Variants in POU3F3 observed in about 807,000 individuals in gnomAD.
POU3F3 encodes POU domain, class 3, transcription factor 3.
Under a neutral mutation model 8.6 loss-of-function variants are expected in POU3F3, and 1 was observed. The ratio of observed to expected loss-of-function variants is 0.12; its 90% CI spans 0.04 to 0.55. POU3F3 has a LOEUF of 0.55. POU3F3 is among the 20% of genes least tolerant of loss of function. The pLI, the probability that POU3F3 is intolerant of heterozygous loss-of-function variation, is 0.91. For missense variants in POU3F3, 577 were observed against 690.7 expected (o/e 0.84, Z 1.84); for synonymous variants, 418 against 327.4 (o/e 1.28, Z -2.99).
chr2:104,894,838 C>A, the POU3F3 span, among the ~76,000 whole-genome samples: 1 of 152,238 alleles, frequency 6.6e-6, no homozygotes, highest in African/African-American at 2.4e-5. Flanking sequence ...CAGCCCTGAT[C>A]CCTGCACCCA....
chr2:104,864,748 A>G, the POU3F3 span, among the ~76,000 whole-genome samples: 1 of 152,226 alleles, frequency 6.6e-6, no homozygotes, highest in South Asian at 2.1e-4. Flanking sequence ...TTGAAAAGGG[A>G]GAAGTGTCCA....
At chr2:104,896,730 C>G in the POU3F3 span, among the ~76,000 whole-genome samples, 333 of 152,330 alleles carry the variant, frequency 2.2e-3, 1 homozygote, top group Non-Finnish European at 3.9e-3. Flanking sequence ...TCTCGTCGAA[C>G]CTTGGTGAAG....
At chr2:104,876,364 A>G in the POU3F3 span, among the ~76,000 whole-genome samples, 2 of 152,258 alleles carry the variant, frequency 1.3e-5, no homozygotes, top group African/African-American at 4.8e-5. Flanking sequence ...TTTTTCCTAG[A>G]AAAGGGCTGA....
At chr2:104,904,773 C>T in the POU3F3 span, among the ~76,000 whole-genome samples, 1 of 152,160 alleles carries the variant, frequency 6.6e-6, no homozygotes, top group African/African-American at 2.4e-5. Context: ...GTCCTTTACA[C>T]ATTCCAAGCC....
At chr2:104,871,964 G>C in the POU3F3 span, among the ~76,000 whole-genome samples, 4 of 152,132 alleles carry the variant, frequency 2.6e-5, no homozygotes, top group Non-Finnish European at 5.9e-5. Flanking sequence ...TCTTTGAAGA[G>C]GGAGGTGACA....
chr2:104,891,325 T>C, the POU3F3 span, among the ~76,000 whole-genome samples: 1 of 151,956 alleles, frequency 6.6e-6, no homozygotes, highest in Non-Finnish European at 1.5e-5. Context: ...CTACACAACA[T>C]ACAGTAATTA....
chr2:104,913,811 A>G, the POU3F3 span, among the ~76,000 whole-genome samples: 1 of 152,188 alleles, frequency 6.6e-6, no homozygotes, highest in Non-Finnish European at 1.5e-5. Context: ...TGTTACTGGG[A>G]TGAATAGCTC....
In POU3F3 at chr2:104,855,225, G is replaced by GCTC; in HGVS notation, c.-284_-283insCCT. 6.6e-6 allele frequency among the ~76,000 whole-genome samples: 1 copy of GCTC among 151,390 alleles called. No homozygotes were observed. Among genetic ancestry groups the GCTC allele is most frequent in the South Asian group, 2.1e-4 (1 of 4,820 alleles). On this transcript the variant is annotated 5_prime_UTR_variant, in exon 1 of 1. Coordinates refer to ENST00000361360, the MANE Select transcript of POU3F3 (RefSeq NM_006236.3). The stretch of plus-strand genomic sequence containing the variant: ...CGCTGCTCCTGCGGCTGCTGCTGCT[G>GCTC]CTGGTGACCAAGGCCGGCCGGCGAC...
the POU3F3 span, among the ~76,000 whole-genome samples, chr2:104,886,777 G>T: frequency 6.6e-6 from 1 of 152,008 alleles, no homozygotes; most frequent in African/African-American, 2.4e-5. Context: ...GTGTGATGGT[G>T]CATGCCTGTA....
chr2:104,886,970 T>C, the POU3F3 span, among the ~76,000 whole-genome samples: 3 of 152,134 alleles, frequency 2.0e-5, no homozygotes, highest in Non-Finnish European at 4.4e-5. Flanking sequence ...AAAAAAAGGC[T>C]ACTCCATAGA....
chr2:104,895,882 C>T, the POU3F3 span, among the ~76,000 whole-genome samples: 17 of 152,290 alleles, frequency 1.1e-4, no homozygotes, highest in African/African-American at 3.4e-4. Context: ...TGGAAGACCA[C>T]GGGCTAAAGG....
chr2:104,881,921 A>G, the POU3F3 span, among the ~76,000 whole-genome samples: 1 of 152,306 alleles, frequency 6.6e-6, no homozygotes, highest in East Asian at 1.9e-4. Flanking sequence ...ACTCCACCGC[A>G]TCTCTTGGTT....
the POU3F3 span, among the ~76,000 whole-genome samples, chr2:104,871,043 C>A: frequency 4.5e-3 from 678 of 152,344 alleles, 5 homozygotes; most frequent in African/African-American, 0.015. Context: ...CATTTCCTCA[C>A]CTTCCAAACA....
chr2:104,861,003 T>C (rs1406312991), downstream of POU3F3, among the ~76,000 whole-genome samples: 1 of 152,104 alleles, frequency 6.6e-6, no homozygotes, highest in East Asian at 1.9e-4. Context: ...TTTTAAATAA[T>C]TTTAACAATT....
At chr2:104,875,962 C>A in the POU3F3 span, among the ~76,000 whole-genome samples, 1 of 152,304 alleles carries the variant, frequency 6.6e-6, no homozygotes, top group East Asian at 1.9e-4. Flanking sequence ...AGGTGATCCG[C>A]CCACCTCAGC....
At chr2:104,925,874 G>T in the POU3F3 span, 1 of 152,132 alleles carries the variant, frequency 6.6e-6, no homozygotes. Flanking sequence ...CATTTTGGAC[G>T]AGTGTCTTAG....
At chr2:104,869,537 G>T in the POU3F3 span, among the ~76,000 whole-genome samples, 2 of 152,184 alleles carry the variant, frequency 1.3e-5, no homozygotes, top group African/African-American at 2.4e-5. Context: ...ATAGCTTCTG[G>T]TATTGTGCCC....
At chr2:104,865,281 G>T in the POU3F3 span, 1 of 152,220 alleles carries the variant, frequency 6.6e-6, no homozygotes, top group Admixed American at 6.5e-5. Flanking sequence ...GGAATCAAGT[G>T]TGAATCATCT....
chr2:104,901,927 GA>G, the POU3F3 span, among the ~76,000 whole-genome samples: 1 of 152,210 alleles, frequency 6.6e-6, no homozygotes, highest in African/African-American at 2.4e-5. Context: ...CATTACTCAT[GA>G]GTGGAAATGG....
Sources: allele counts gnomAD v4.1 joint callset (sites outside exome capture counted in the v4.1 genomes callset), GRCh38; gene constraint gnomAD v4.1.1; transcripts MANE v1.5; gene names NCBI Gene and HGNC (gene_info 2026-07-23, HGNC 2026-07-21).